DDX46: variants seen among roughly 807,000 people sequenced by gnomAD.
DDX46 encodes the protein DEAD-box helicase 46.
A neutral mutation model predicts 134.9 loss-of-function variants in DDX46; 30 were observed. The observed-to-expected ratio is 0.22, with a 90% CI of 0.17 to 0.30. The LOEUF (loss-of-function observed/expected upper bound fraction) is 0.30. Among genes scored for constraint, DDX46 ranks in the 10% least tolerant of loss-of-function variants. The probability of loss-of-function intolerance (pLI) is 1.00; values close to 1 mark genes in which losing one functional copy is unlikely to be tolerated. For missense variants in DDX46, 622 were observed against 1,248.7 expected (o/e 0.50, Z 7.56); for synonymous variants, 415 against 404.1 (o/e 1.03, Z -0.32).
rs1754148202 is a variant in DDX46 at position 134,781,374 on chromosome 5, G to C, written c.879+128G>C. ...ATTCCCAGAATTGAGAGACATTCTTGCTATTCTTAGTAGTATAATAGTATC... is the reference window on the plus strand; with the variant it reads ...ATTCCCAGAATTGAGAGACATTCTTCCTATTCTTAGTAGTATAATAGTATC... On this transcript the variant is annotated intron_variant, in intron 7 of 22. Coordinates refer to ENST00000452510, the MANE Select transcript of DDX46 (RefSeq NM_001300860.2). 4.3e-6 allele frequency: 3 copies of C among 701,062 alleles called. No homozygotes were observed. In the African/African-American group the frequency reaches 5.6e-5, roughly 13 times the overall value. The allele number at this position is 701,062 out of a possible 1,614,324, so 43.4% of individuals were successfully genotyped here. A position where few individuals can be genotyped will look rare whatever the true frequency, so the allele number is the denominator to read the frequency against.
Position 134,830,339 on chromosome 5 carries a change from T to C in DDX46, c.*1633T>C, listed in dbSNP as rs1755704324. The C allele has an allele frequency of 6.6e-6, 1 of 152,138 alleles. No individual in the cohort carries two copies. The highest frequency in any genetic ancestry group is 1.5e-5 in the Non-Finnish European group (1 of 68,018). The allele number at this position is 152,138 out of a possible 1,614,324, so 9.4% of individuals were successfully genotyped here. ...AGGATGTGCATCGGTTATATGCATATAGCAAGCCATTTCATATAAGAGGCT... is the reference window on the plus strand; with the variant it reads ...AGGATGTGCATCGGTTATATGCATACAGCAAGCCATTTCATATAAGAGGCT... On this transcript the variant is annotated 3_prime_UTR_variant, in exon 23 of 23. Coordinates refer to ENST00000452510, the MANE Select transcript of DDX46 (RefSeq NM_001300860.2).
chr5:134,811,438 T>C, intron 17 of DDX46, 80 bp downstream of exon 17: 5 of 1,523,986 alleles, frequency 3.3e-6, no homozygotes, highest in Non-Finnish European at 4.4e-6. Flanking sequence ...GGAAATCTTT[T>C]ATTTAACACT....
rs7717632 is a variant in DDX46 at position 134,819,378 on chromosome 5, G to A, written c.2977+374G>A. On this transcript the variant is annotated intron_variant, in intron 21 of 22. Transcript: ENST00000452510. ...GTTTATCTAGGCAAATATTGCCTGT[G>A]AAATTATCCCCATGAAAGTTTATGC... 8.6e-3 allele frequency among the ~76,000 whole-genome samples: 1,302 copies of A among 152,250 alleles called. 14 individuals carry two copies. Among genetic ancestry groups the A allele is most frequent in the African/African-American group, 0.029 (1,206 of 41,556 alleles).
intron 17 of DDX46, 139 bp from the exon 18 acceptor site, chr5:134,811,557 C>T (rs1000525115): frequency 4.4e-6 from 5 of 1,130,102 alleles, no homozygotes; most frequent in Non-Finnish European, 6.1e-6. Flanking sequence ...CTATGTAGAG[C>T]TCTTAGTTTA....
At chr5:134,805,275 A>T (rs1219014540) in intron 15 of DDX46, 1 of 154,146 alleles carries the variant, frequency 6.5e-6, no homozygotes, top group Non-Finnish European at 1.4e-5. Context: ...GGTTCAAGCT[A>T]TTCTGCCTCA....
chr5:134,791,238 G>T (rs1483192598), intron 13 of DDX46, among the ~76,000 whole-genome samples: 1 of 152,158 alleles, frequency 6.6e-6, no homozygotes, highest in African/African-American at 2.4e-5. Context: ...ATGGCCCAAA[G>T]AATTTATCTA....
Position 134,781,917 on chromosome 5 carries a change from A to G in DDX46, c.880-4A>G, listed in dbSNP as rs538413777. 9.1e-5 allele frequency: 146 copies of G among 1,601,552 alleles called. No individual in the cohort carries two copies. The highest frequency in any genetic ancestry group is 6.2e-4 in the Admixed American group (34 of 55,262). On this transcript the variant is annotated splice_polypyrimidine_tract_variant and splice_region_variant and intron_variant, in intron 7 of 22. Coordinates refer to ENST00000452510, the MANE Select transcript of DDX46 (RefSeq NM_001300860.2). ...GCGCTTTAATTTTTTCTTTTAAACTATAGTATTCTTCAGAGGAGGAAGAAG... is the reference window on the plus strand; with the variant it reads ...GCGCTTTAATTTTTTCTTTTAAACTGTAGTATTCTTCAGAGGAGGAAGAAG...
intron 11 of DDX46, among the ~76,000 whole-genome samples, chr5:134,786,629 G>A (rs1041436280): frequency 6.6e-6 from 1 of 152,138 alleles, no homozygotes; most frequent in Admixed American, 6.5e-5. Context: ...TGGATCATGA[G>A]GTCAGGAGCT....
At chr5:134,823,331 G>A (rs1248214320) in intron 21 of DDX46, among the ~76,000 whole-genome samples, 1 of 151,626 alleles carries the variant, frequency 6.6e-6, no homozygotes, top group African/African-American at 2.4e-5. Context: ...GTAGAGATGG[G>A]GTTTCACCAT....
chr5:134,804,688 C>A (rs979321571), intron 15 of DDX46: 1 of 205,482 alleles, frequency 4.9e-6, no homozygotes, highest in African/African-American at 2.3e-5. Context: ...CCGGAAAAGT[C>A]ATTTTTCACA....
At chr5:134,797,570 T>G (rs1294690244) in intron 15 of DDX46, among the ~76,000 whole-genome samples, 5 of 151,970 alleles carry the variant, frequency 3.3e-5, no homozygotes, top group Non-Finnish European at 7.4e-5. Flanking sequence ...GATACTGGAG[T>G]TGGCAGAGCT....
intron 15 of DDX46, among the ~76,000 whole-genome samples, chr5:134,807,175 C>CTTTTTTTTT (rs11284486): frequency 5.8e-5 from 7 of 121,690 alleles, no homozygotes; most frequent in African/African-American, 3.1e-5. Flanking sequence ...CCACGCCTGG[C>CTTTTTTTTT]TTTTTTTTTT....
chr5:134,758,795 C>G lies in DDX46; in HGVS notation c.-144C>G, dbSNP rs111895657. 8.3e-6 allele frequency: 11 copies of G among 1,325,680 alleles called. No individual in the cohort carries two copies. Among genetic ancestry groups the G allele is most frequent in the African/African-American group, 7.2e-5 (5 of 69,058 alleles). 82.1% of individuals were successfully genotyped at this position (1,325,680 alleles called of 1,614,324 possible). A position where few individuals can be genotyped will look rare whatever the true frequency, so the allele number is the denominator to read the frequency against. ...CAGCACGTCCTGTTTTCGTTGGCCGCGCTGGGATGGCCGCCACAGCTGTAG... is the reference window on the plus strand; with the variant it reads ...CAGCACGTCCTGTTTTCGTTGGCCGGGCTGGGATGGCCGCCACAGCTGTAG... On this transcript the variant is annotated 5_prime_UTR_variant, in exon 1 of 23. Coordinates refer to ENST00000452510, the MANE Select transcript of DDX46 (RefSeq NM_001300860.2).
chr5:134,814,029 A>G (rs1422855106), intron 18 of DDX46, among the ~76,000 whole-genome samples: 1 of 152,216 alleles, frequency 6.6e-6, no homozygotes, highest in Non-Finnish European at 1.5e-5. Flanking sequence ...TCACTTTTTG[A>G]CATTATGGTA....
chr5:134,818,303 A>C (rs1755340117), intron 20 of DDX46, among the ~76,000 whole-genome samples: 1 of 149,774 alleles, frequency 6.7e-6, no homozygotes, highest in African/African-American at 2.4e-5. Flanking sequence ...CATGTTGGTC[A>C]GGCTGGTCTC....
At chr5:134,814,596 T>C (rs942088014) in intron 18 of DDX46, among the ~76,000 whole-genome samples, 2 of 152,086 alleles carry the variant, frequency 1.3e-5, no homozygotes, top group African/African-American at 2.4e-5. Flanking sequence ...TGACCCCCTG[T>C]TGGTGTTTTC....
chr5:134,784,338 C>A (rs1754266430), intron 9 of DDX46, 28 bp from the exon 10 acceptor site: 2 of 1,576,608 alleles, frequency 1.3e-6, no homozygotes, highest in African/African-American at 2.7e-5. Context: ...CAATTCTTAC[C>A]TTTTCTTCCT....
chr5:134,793,509 A>T (rs958635379), intron 13 of DDX46, among the ~76,000 whole-genome samples: 1 of 152,088 alleles, frequency 6.6e-6, no homozygotes, highest in African/African-American at 2.4e-5. Context: ...GGTTCAAGTG[A>T]TTCTCCTGCC....
intron 15 of DDX46, among the ~76,000 whole-genome samples, chr5:134,797,810 A>AT (rs1167888415): frequency 6.6e-6 from 1 of 152,092 alleles, no homozygotes; most frequent in Admixed American, 6.6e-5. Flanking sequence ...TTTGAAAATG[A>AT]TTTTTTATTT....
Sources: allele counts gnomAD v4.1 joint callset (sites outside exome capture counted in the v4.1 genomes callset), GRCh38; gene constraint gnomAD v4.1.1; transcripts MANE v1.5; gene names NCBI Gene and HGNC (gene_info 2026-07-23, HGNC 2026-07-21).